Variants in NSD1 observed in about 807,000 individuals in gnomAD.
NSD1 encodes nuclear receptor binding SET domain protein 1.
Under a neutral mutation model 242.7 loss-of-function variants are expected in NSD1, and 26 were observed. That is an observed-to-expected ratio of 0.11 (90% CI 0.08 to 0.15). NSD1 has a LOEUF of 0.15. Among genes scored for constraint, NSD1 ranks in the 10% least tolerant of loss-of-function variants. The pLI is 1.00. For synonymous variants in NSD1, 1,106 were observed against 1,178.1 expected (o/e 0.94, Z 1.25); for missense variants, 2,495 against 3,272.8 (o/e 0.76, Z 5.80).
chr5:177,148,277 C>T (rs1757420126), intron 2 of NSD1, among the ~76,000 whole-genome samples: 1 of 151,876 alleles, frequency 6.6e-6, no homozygotes, highest in Non-Finnish European at 1.5e-5. Flanking sequence ...ACCACCACAC[C>T]CAGCTCATTT....
chr5:177,151,635 C>A (rs1014890613), intron 2 of NSD1, among the ~76,000 whole-genome samples: 1 of 150,982 alleles, frequency 6.6e-6, no homozygotes, highest in African/African-American at 2.4e-5. Context: ...GTGATCTGCC[C>A]GCCTCGGCTT....
rs115461473 is a variant in NSD1, at chr5:177,140,060, C to T, written c.927+4030C>T. Reference sequence around the variant, plus strand: ...TCATATTTTCTGTTATTTTGTGTATCTACCTCTAAGTGGACTGTTTGCCTC... The same window carrying T: ...TCATATTTTCTGTTATTTTGTGTATTTACCTCTAAGTGGACTGTTTGCCTC... On this transcript the variant is annotated intron_variant, in intron 2 of 22. Transcript: ENST00000439151. Among the ~76,000 whole-genome samples, 1,156 of 152,186 alleles carry T rather than the reference C, an allele frequency of 7.6e-3. 12 individuals carry two copies. Among genetic ancestry groups the T allele is most frequent in the African/African-American group, 0.027 (1,108 of 41,520 alleles).
chr5:177,204,048 TGTGGCTGTTCTCTTAATGATGAGAA>T (rs1481738151), intron 3 of NSD1, 47 bp from the exon 4 acceptor site: 4 of 1,393,056 alleles, frequency 2.9e-6, no homozygotes, highest in Non-Finnish European at 4.1e-6. Context: ...GCGGCAATGA[TGTGGCTGTTCTCTTAATGATGAGAA>T]GTAATTTCTT....
intron 20 of NSD1, chr5:177,288,504 TTTG>T: frequency 3.1e-6 from 1 of 325,670 alleles, no homozygotes; most frequent in Non-Finnish European, 5.9e-6. Flanking sequence ...TTGTTTTTTG[TTTG>T]TTTTGGTAAT....
chr5:177,245,961 ATTTTTTTTATTTATT>A (rs1200920672), intron 9 of NSD1, among the ~76,000 whole-genome samples: 1 of 40,746 alleles, frequency 2.5e-5, no homozygotes, highest in Non-Finnish European at 5.5e-5. Context: ...TAATCCTTTT[ATTTTTTTTATTTATT>A]TTTTTTTTTT....
At position 177,241,236 on chromosome 5, in the gene NSD1, C is replaced by G. The variant is rs574834347; in HGVS notation, c.4302+1371C>G. On this transcript the variant is annotated intron_variant, in intron 8 of 22. Transcript: ENST00000439151. ...TATTGGCTGGGTGCGGTGGCTCACA[C>G]CTGTAATCCCAGCACTTTGGGAGGC... Among the ~76,000 whole-genome samples, 29 of 152,114 alleles carry G rather than the reference C, an allele frequency of 1.9e-4. No homozygotes were observed. The South Asian group carries it at 6.0e-3, about 32-fold the overall frequency.
intron 2 of NSD1, among the ~76,000 whole-genome samples, chr5:177,163,315 G>T (rs533484490): frequency 6.6e-6 from 1 of 151,938 alleles, no homozygotes; most frequent in Non-Finnish European, 1.5e-5. Flanking sequence ...GCTAATTTTT[G>T]TATTTTTAGT....
At position 177,294,251 on chromosome 5, in the gene NSD1, A is replaced by G. The variant is rs1317866853; in HGVS notation, c.6883A>G (p.Lys2295Glu). The G allele has an allele frequency of 6.2e-7, 1 of 1,613,490 alleles. No homozygotes were observed. Among genetic ancestry groups the G allele is most frequent in the South Asian group, 1.1e-5 (1 of 91,020 alleles). Residue 2295 changes from lysine (K) to glutamate (E), a missense_variant, in exon 23 of 23, where the codon AAG (lysine) becomes GAG (glutamate). Lys to Glu is a moderately conservative substitution (Grantham distance 56). This residue lies in a region of NSD1 where 475 missense variants were observed against 563.7 expected (regional missense o/e 0.84). Coordinates refer to ENST00000439151, the MANE Select transcript of NSD1 (RefSeq NM_022455.5). ...RTDSRPQPLD[K>E]VRDLAGSGTK... is the part of the protein sequence containing the mutation. ...TGACTCCAGGCCCCAGCCTTTAGAT[A>G]AGGTCAGAGACCTCGCTGGGTCAGG...
rs897150660 is a variant in NSD1 at position 177,260,146 on chromosome 5, C to T, written c.5124C>T (p.Ser1708=). Residue 1708 remains serine, a synonymous_variant, in exon 14 of 23, where the codon AGC becomes AGT. Transcript: ENST00000439151. ...GAAATCATGAGCATGTTAATGTTAG[C>T]TGGTGCTTTGTGTGCTCAGAAGGTA... is the stretch of plus-strand genomic sequence containing the variant. ...GCRNHEHVNV[S]WCFVCSEGGS... 3.1e-6 allele frequency: 5 copies of T among 1,614,028 alleles called. No individual in the cohort carries two copies. Among genetic ancestry groups the T allele is most frequent in the Non-Finnish European group, 4.2e-6 (5 of 1,179,990 alleles).
In NSD1 at chr5:177,295,171, G is replaced by A. The variant is rs769075550; in HGVS notation, c.7803G>A (p.Arg2601=). 1 of 1,614,210 alleles carries A rather than the reference G, an allele frequency of 6.2e-7. No individual in the cohort carries two copies. Among genetic ancestry groups the A allele is most frequent in the South Asian group, 1.1e-5 (1 of 91,092 alleles). The change falls in exon 23 of 23, where the codon AGG becomes AGA. Residue 2601 remains arginine (R), a synonymous_variant. Transcript: ENST00000439151. This position sits in a 1 kb window ranked among gnomAD's most constrained non-coding sequence, Gnocchi z 4.3. The part of the protein sequence containing the change: ...ALAAKSGQSF[R]SLGKAPASLP... ...CCGCCAAGAGTGGGCAATCTTTTAG[G>A]TCTCTCGGGAAGGCCCCAGCCTCCC...
chr5:177,179,049 T>C (rs1223047275), intron 2 of NSD1, among the ~76,000 whole-genome samples: 1 of 152,132 alleles, frequency 6.6e-6, no homozygotes, highest in Non-Finnish European at 1.5e-5. Context: ...TGCCTTAGAT[T>C]GTAAAGTATG....
At chr5:177,246,988 A>G (rs766365003) in intron 10 of NSD1, among the ~76,000 whole-genome samples, 192 bp downstream of exon 10, 4 of 152,230 alleles carry the variant, frequency 2.6e-5, no homozygotes, top group African/African-American at 9.6e-5. Flanking sequence ...GCAGCTGTCA[A>G]TATGGTCTTT....
At chr5:177,169,062 G>A (rs925950112) in intron 2 of NSD1, among the ~76,000 whole-genome samples, 1 of 152,134 alleles carries the variant, frequency 6.6e-6, no homozygotes, top group African/African-American at 2.4e-5. Flanking sequence ...AGTTTTCCTT[G>A]CATCTCATTG....
chr5:177,210,000 G>T lies in NSD1; in HGVS notation c.1601G>T (p.Gly534Val). ...AGGGGAAAGATTCCAGAGAACCTTG[G>T]CCTAAACTTTATCTCTGGGGATATA... ...ERRGKIPENL[G>V]LNFISGDISD... The change falls in exon 5 of 23, where the codon GGC (glycine) becomes GTC (valine). Residue 534 changes from glycine (G) to valine (V), a missense_variant. Physicochemically the swap from Gly to Val is moderately radical, Grantham distance 109 (BLOSUM62 -3). This residue lies in a region of NSD1 where 515 missense variants were observed against 467.0 expected (regional missense o/e 1.10). Coordinates refer to ENST00000439151, the MANE Select transcript of NSD1 (RefSeq NM_022455.5). The T allele has an allele frequency of 1.2e-6, 2 of 1,614,116 alleles. No individual in the cohort carries two copies. The highest frequency in any genetic ancestry group is 1.7e-6 in the Non-Finnish European group (2 of 1,180,028).
intron 9 of NSD1, among the ~76,000 whole-genome samples, chr5:177,245,624 ATTTC>A (rs1419021756): frequency 1.3e-5 from 2 of 149,924 alleles, no homozygotes; most frequent in Admixed American, 6.6e-5. Context: ...GACTAGAAGA[ATTTC>A]TTTCTTTTTT....
At chr5:177,221,514 C>G (rs982809522) in intron 5 of NSD1, among the ~76,000 whole-genome samples, 1 of 151,862 alleles carries the variant, frequency 6.6e-6, no homozygotes. Flanking sequence ...CTCTGTTGCC[C>G]AGGCTGGAGT....
At chr5:177,275,661 C>T (rs907170412) in intron 17 of NSD1, among the ~76,000 whole-genome samples, 2 of 151,858 alleles carry the variant, frequency 1.3e-5, no homozygotes, top group African/African-American at 4.8e-5. Context: ...TCTCGATCTC[C>T]TGACCTCGTG....
chr5:177,200,172 C>T (rs541493444), intron 3 of NSD1, among the ~76,000 whole-genome samples: 56 of 152,054 alleles, frequency 3.7e-4, no homozygotes, highest in Non-Finnish European at 6.5e-4. Flanking sequence ...CTCACTGCAA[C>T]CTCTGCCTCC....
intron 5 of NSD1, among the ~76,000 whole-genome samples, chr5:177,224,480 T>G (rs559979826): frequency 1.3e-5 from 2 of 152,108 alleles, no homozygotes; most frequent in African/African-American, 4.8e-5. Flanking sequence ...TTATGAAAAT[T>G]TTGTATATTA....
Sources: gnomAD v4.1 joint callset for allele counts (sites outside exome capture counted in the v4.1 genomes callset) on GRCh38, gnomAD v4.1.1 for gene constraint, gnomAD v4.1.1 regional missense constraint, Gnocchi (gnomAD v3.1) non-coding constraint, MANE v1.5 for transcripts, NCBI Gene and HGNC (gene_info 2026-07-23, HGNC 2026-07-21) for gene names.